Variants in DTX2 observed in about 807,000 individuals in gnomAD.
DTX2 encodes probable E3 ubiquitin-protein ligase DTX2.
Under a neutral mutation model 55.3 loss-of-function variants are expected in DTX2, and 29 were observed. The ratio of observed to expected loss-of-function variants is 0.52; its 90% confidence interval spans 0.39 to 0.71. The LOEUF (loss-of-function observed/expected upper bound fraction) is 0.71. DTX2 is among the 30% of genes least tolerant of loss of function. DTX2 has a pLI of 0.00. For synonymous variants in DTX2, 276 were observed against 340.4 expected (o/e 0.81, Z 2.08); for missense variants, 537 against 822.5 (o/e 0.65, Z 4.25).
chr7:76,464,937 TTTTG>T (rs1244411829), intron 2 of DTX2, among the ~76,000 whole-genome samples: 2 of 150,656 alleles, frequency 1.3e-5, no homozygotes, highest in African/African-American at 2.5e-5. Context: ...TGTTGTTTTG[TTTTG>T]TTTGTTTACT....
chr7:76,466,797 CAT>C (rs1807237012), intron 2 of DTX2, among the ~76,000 whole-genome samples: 1 of 152,252 alleles, frequency 6.6e-6, no homozygotes, highest in African/African-American at 2.4e-5. Context: ...GGAGTTTCTC[CAT>C]GTTAGTCAGA....
In DTX2 at chr7:76,503,544, G is replaced by A. The variant is rs772055212; in HGVS notation, c.1508G>A (p.Cys503Tyr). The A allele has an allele frequency of 6.2e-7, 1 of 1,612,746 alleles. No homozygotes were observed. The highest frequency in any genetic ancestry group is 8.5e-7 in the Non-Finnish European group (1 of 1,179,848). ...ATGTCGCTCCCCGGCCACGAGGACT[G>A]CGGGACCATCCTCATAGTTTACAGC... is the stretch of plus-strand genomic sequence containing the variant. ...FQMSLPGHED[C>Y]GTILIVYSIP... is the part of the protein sequence containing the mutation. The change falls in exon 9 of 11, where the codon TGC (cysteine) becomes TAC (tyrosine). Residue 503 changes from cysteine (C) to tyrosine (Y), a missense_variant. Cys to Tyr is a radical substitution (Grantham distance 194, BLOSUM62 -2). Transcript: ENST00000430490.
At chr7:76,471,828 G>T in intron 2 of DTX2, among the ~76,000 whole-genome samples, 1 of 151,484 alleles carries the variant, frequency 6.6e-6, no homozygotes, top group Non-Finnish European at 1.5e-5. Context: ...TGGCCACCCA[G>T]GAGCCAGTGG....
At chr7:76,472,802 T>C (rs962785520) in intron 2 of DTX2, among the ~76,000 whole-genome samples, 3 of 152,166 alleles carry the variant, frequency 2.0e-5, no homozygotes, top group African/African-American at 7.2e-5. Context: ...CAAAGACAGC[T>C]GTTAACATTT....
intron 5 of DTX2, among the ~76,000 whole-genome samples, chr7:76,495,417 G>A (rs1046219234): frequency 6.6e-6 from 1 of 152,026 alleles, no homozygotes; most frequent in Non-Finnish European, 1.5e-5. Flanking sequence ...GGAGAAAAAG[G>A]CTGTGGCCCT....
chr7:76,501,243 C>T (rs375844762), intron 7 of DTX2: 23 of 455,686 alleles, frequency 5.0e-5, no homozygotes, highest in African/African-American at 4.6e-4. Flanking sequence ...TACCCAGGGA[C>T]TCTTCACTTG....
chr7:76,490,688 G>A (rs1331540802), intron 4 of DTX2, among the ~76,000 whole-genome samples: 1 of 127,664 alleles, frequency 7.8e-6, no homozygotes, highest in Non-Finnish European at 1.7e-5. Context: ...GCTCACTGCA[G>A]CCTTGAACTC....
At chr7:76,489,896 A>AC (rs1213391564) in intron 4 of DTX2, among the ~76,000 whole-genome samples, 2 of 129,926 alleles carry the variant, frequency 1.5e-5, no homozygotes, top group African/African-American at 5.5e-5. Context: ...TTAAAAAAAA[A>AC]AAAAACAACA....
chr7:76,505,735 C>T lies in DTX2; in HGVS notation c.*134C>T, dbSNP rs117327610. ...GTGTGGGGTGTGCCCCACCTGAAGC[C>T]GGGGCTCCCCCTGCCTGCCTCTCTC... On this transcript the variant is annotated 3_prime_UTR_variant, in exon 11 of 11. Coordinates refer to ENST00000430490, the MANE Select transcript of DTX2 (RefSeq NM_001102594.3). This position sits in a 1 kb window ranked among gnomAD's most constrained non-coding sequence, Gnocchi z 4.4. The T allele has an allele frequency of 8.7e-3, 8,161 of 934,200 alleles. 119 individuals carry two copies. Among genetic ancestry groups the T allele is most frequent in the Middle Eastern group, 0.031 (143 of 4,636 alleles). The allele number at this position is 934,200 out of a possible 1,614,324, so 57.9% of individuals were successfully genotyped here.
At chr7:76,474,223 C>CTT (rs11308718) in intron 2 of DTX2, among the ~76,000 whole-genome samples, 5 of 134,466 alleles carry the variant, frequency 3.7e-5, no homozygotes, top group African/African-American at 1.1e-4. Context: ...TCTTTCTTTT[C>CTT]TTTTTTTTTT....
In DTX2 at chr7:76,505,396, C is replaced by T. The variant is rs1435323339; in HGVS notation, c.1664C>T (p.Ala555Val). The T allele has an allele frequency of 6.3e-7, 1 of 1,586,130 alleles. No individual in the cohort carries two copies. The highest frequency in any genetic ancestry group is 8.6e-7 in the Non-Finnish European group (1 of 1,166,648). The change falls in exon 11 of 11, where the codon GCC becomes GTC. Residue 555 changes from alanine (A) to valine (V), a missense_variant. By Grantham distance (64) the Ala-to-Val change is moderately conservative. Around this residue, in one of 7 missense-constraint regions of DTX2, gnomAD observed 33 missense variants for 48.4 expected, o/e 0.68. Transcript: ENST00000430490. This position sits in a 1 kb window ranked among gnomAD's most constrained non-coding sequence, Gnocchi z 4.4. Reference protein sequence around the residue: ...GRKVLELLKVAWKRRLIFTVG... With the variant: ...GRKVLELLKVVWKRRLIFTVG... ...CAGGTCCTAGAGCTCCTGAAGGTGG[C>T]CTGGAAGAGGCGGCTCATCTTCACA...
At chr7:76,500,058 C>T (rs544329534) in intron 6 of DTX2, 10 of 369,504 alleles carry the variant, frequency 2.7e-5, no homozygotes, top group Middle Eastern at 9.9e-4. Context: ...TGCCACAACG[C>T]CCCCTGGAGT....
In DTX2 at chr7:76,503,524, G is replaced by A. The variant is rs780357158; in HGVS notation, c.1488G>A (p.Ser496=). 59 of 1,612,644 alleles carry A rather than the reference G, an allele frequency of 3.7e-5. No individual in the cohort carries two copies. Among genetic ancestry groups the A allele is most frequent in the Non-Finnish European group, 4.5e-5 (53 of 1,179,858 alleles). ...TGGAGGTATTACGGTTCCAGATGTC[G>A]CTCCCCGGCCACGAGGACTGCGGGA... ...GKMEVLRFQM[S]LPGHEDCGTI... Residue 496 remains serine, a synonymous_variant, in exon 9 of 11, where the codon TCG becomes TCA. Coordinates refer to ENST00000430490, the MANE Select transcript of DTX2 (RefSeq NM_001102594.3).
chr7:76,482,007 ATG>A (rs1469938759), intron 3 of DTX2, among the ~76,000 whole-genome samples: 4 of 152,068 alleles, frequency 2.6e-5, no homozygotes, highest in African/African-American at 9.7e-5. Context: ...CCTGGAAACT[ATG>A]TGTTTCCAGG....
chr7:76,483,680 GC>G (rs920842227), intron 4 of DTX2, among the ~76,000 whole-genome samples: 4 of 151,004 alleles, frequency 2.6e-5, no homozygotes, highest in African/African-American at 7.3e-5. Flanking sequence ...AGCCCAGAGT[GC>G]CTGGTAGAGC....
intron 2 of DTX2, among the ~76,000 whole-genome samples, chr7:76,466,453 C>A (rs1807195282): frequency 6.6e-6 from 1 of 151,294 alleles, no homozygotes; most frequent in Non-Finnish European, 1.5e-5. Flanking sequence ...AAGTTTTCTA[C>A]TTTATCAGGT....
intron 2 of DTX2, chr7:76,477,076 A>T (rs983615086): frequency 2.6e-4 from 39 of 149,346 alleles, no homozygotes; most frequent in Non-Finnish European, 4.9e-4. Context: ...ATTGGCTTGG[A>T]AGGCAGTCCT....
At chr7:76,502,573 G>A (rs2116618942) in intron 8 of DTX2, 117 bp downstream of exon 8, 2 of 1,203,252 alleles carry the variant, frequency 1.7e-6, no homozygotes, top group East Asian at 5.2e-5. Context: ...TGCAAAAGAT[G>A]GTGCTGGGCG....
intron 2 of DTX2, among the ~76,000 whole-genome samples, chr7:76,472,936 C>T (rs1202829166): frequency 2.0e-5 from 3 of 152,158 alleles, no homozygotes; most frequent in African/African-American, 7.2e-5. Context: ...ATTATTGGAT[C>T]AAAGGAAGTG....
Sources: gnomAD v4.1 joint callset for allele counts (sites outside exome capture counted in the v4.1 genomes callset) on GRCh38, gnomAD v4.1.1 for gene constraint, gnomAD v4.1.1 regional missense constraint, Gnocchi (gnomAD v3.1) non-coding constraint, MANE v1.5 for transcripts, NCBI Gene and HGNC (gene_info 2026-07-23, HGNC 2026-07-21) for gene names.